GALNT14: variants seen among roughly 807,000 people sequenced by gnomAD.
GALNT14 encodes polypeptide N-acetylgalactosaminyltransferase 14.
In GALNT14, 60 loss-of-function variants were observed where a neutral mutation model predicts 77.5. The observed-to-expected ratio is 0.77, with a 90% CI of 0.63 to 0.96. GALNT14 has a LOEUF of 0.96. Among genes scored for constraint, GALNT14 ranks in the 40% least tolerant of loss-of-function variants. GALNT14 has a pLI of 0.00. For missense variants in GALNT14, 710 were observed against 731.0 expected (o/e 0.97, Z 0.33); for synonymous variants, 280 against 281.7 (o/e 0.99, Z 0.06).
At chr2:31,107,317 G>A (rs949803430) in intron 1 of GALNT14, among the ~76,000 whole-genome samples, 1 of 152,080 alleles carries the variant, frequency 6.6e-6, no homozygotes, top group Non-Finnish European at 1.5e-5. Flanking sequence ...TATCCAGGAT[G>A]TGTATTTTTT....
chr2:31,107,521 T>C (rs1279687238), intron 1 of GALNT14, among the ~76,000 whole-genome samples: 3 of 152,172 alleles, frequency 2.0e-5, no homozygotes, highest in South Asian at 2.1e-4. Flanking sequence ...CTCTTTGCTG[T>C]TGTGTCCAGC....
the GALNT14 span, among the ~76,000 whole-genome samples, chr2:30,894,731 G>A: frequency 6.6e-6 from 1 of 152,220 alleles, no homozygotes; most frequent in African/African-American, 2.4e-5. Context: ...GCCTTGGTCT[G>A]TATGTCTTGA....
intron 1 of GALNT14, among the ~76,000 whole-genome samples, chr2:31,112,202 G>A (rs1444115265): frequency 6.6e-6 from 1 of 152,152 alleles, no homozygotes; most frequent in Non-Finnish European, 1.5e-5. Flanking sequence ...CCCAGCTCCA[G>A]GCACAGGAGA....
At chr2:31,070,086 A>G (rs1675256018) in intron 1 of GALNT14, among the ~76,000 whole-genome samples, 2 of 152,160 alleles carry the variant, frequency 1.3e-5, no homozygotes, top group Admixed American at 1.3e-4. Flanking sequence ...AGAAAAGAGA[A>G]GAAGCCAGAA....
At chr2:30,922,361 T>C (rs1345222409) in intron 13 of GALNT14, among the ~76,000 whole-genome samples, 16 of 152,198 alleles carry the variant, frequency 1.1e-4, no homozygotes, top group Admixed American at 1.0e-3. Context: ...AACCCTCTCC[T>C]GAGATCTCAT....
chr2:30,998,284 C>CT (rs927634452), intron 1 of GALNT14, among the ~76,000 whole-genome samples: 1 of 152,086 alleles, frequency 6.6e-6, no homozygotes, highest in Non-Finnish European at 1.5e-5. Flanking sequence ...ATCTCCTTTT[C>CT]TCCTTCCTTC....
At chr2:31,089,409 AT>A (rs143093796) in intron 1 of GALNT14, among the ~76,000 whole-genome samples, 5,375 of 152,208 alleles carry the variant, frequency 0.035, 306 homozygotes, top group African/African-American at 0.12. Flanking sequence ...AAAGTATGTG[AT>A]TGTTACTGTT....
At chr2:31,092,363 G>T (rs1240813075) in intron 1 of GALNT14, among the ~76,000 whole-genome samples, 1 of 151,706 alleles carries the variant, frequency 6.6e-6, no homozygotes, top group African/African-American at 2.4e-5. Context: ...ATTCATGAGG[G>T]TCCCACCCTC....
chr2:30,918,464 G>T (rs919838440), intron 13 of GALNT14, among the ~76,000 whole-genome samples: 2 of 152,228 alleles, frequency 1.3e-5, no homozygotes, highest in Non-Finnish European at 2.9e-5. Flanking sequence ...ATGCTCAATT[G>T]CTGTCTGCTG....
chr2:30,941,992 C>G (rs1367726687), intron 9 of GALNT14, among the ~76,000 whole-genome samples: 1 of 152,138 alleles, frequency 6.6e-6, no homozygotes, highest in African/African-American at 2.4e-5. Flanking sequence ...TGGAGAGATT[C>G]CCTTATTATC....
chr2:31,027,170 G>A (rs1222948049), intron 1 of GALNT14, among the ~76,000 whole-genome samples: 3 of 152,188 alleles, frequency 2.0e-5, no homozygotes, highest in African/African-American at 7.2e-5. Flanking sequence ...GGTGGCTCAC[G>A]CCTGTAATCC....
At chr2:30,892,349 T>C in the GALNT14 span, among the ~76,000 whole-genome samples, 1 of 152,142 alleles carries the variant, frequency 6.6e-6, no homozygotes, top group Non-Finnish European at 1.5e-5. Flanking sequence ...AATTGAAATT[T>C]GGAAAGATCA....
intron 9 of GALNT14, among the ~76,000 whole-genome samples, 163 bp from the exon 10 acceptor site, chr2:30,932,357 T>G (rs967866720): frequency 5.9e-4 from 90 of 152,172 alleles, no homozygotes; most frequent in African/African-American, 2.0e-3. Context: ...TCCCCATCCA[T>G]AAATGGGAAT....
chr2:31,119,759 T>C (rs1026029431), intron 1 of GALNT14, among the ~76,000 whole-genome samples: 9 of 152,220 alleles, frequency 5.9e-5, no homozygotes, highest in African/African-American at 2.2e-4. Flanking sequence ...TTCAGCTCTG[T>C]CTGTAGCAAC....
intron 1 of GALNT14, among the ~76,000 whole-genome samples, chr2:31,044,095 A>G (rs1278127522): frequency 6.6e-6 from 1 of 152,244 alleles, no homozygotes; most frequent in Admixed American, 6.5e-5. Context: ...TTAATCATCC[A>G]AAGATCAACT....
chr2:31,079,776 T>A (rs981127972), intron 1 of GALNT14, among the ~76,000 whole-genome samples: 4 of 152,194 alleles, frequency 2.6e-5, no homozygotes, highest in African/African-American at 9.6e-5. Context: ...CTTAGTCATG[T>A]ACGGTCCTAC....
At chr2:31,004,125 A>G (rs1330405468) in intron 1 of GALNT14, among the ~76,000 whole-genome samples, 5 of 152,170 alleles carry the variant, frequency 3.3e-5, no homozygotes, top group Non-Finnish European at 7.3e-5. Context: ...CACACGCTTT[A>G]TTTCTGCATC....
At chr2:30,931,190 C>T (rs954670907) in intron 10 of GALNT14, among the ~76,000 whole-genome samples, 2 of 152,176 alleles carry the variant, frequency 1.3e-5, no homozygotes, top group Non-Finnish European at 2.9e-5. Context: ...ATTGCTCAAA[C>T]CCATGTCTCC....
chr2:30,904,503 G>A, the GALNT14 span, among the ~76,000 whole-genome samples: 19 of 152,282 alleles, frequency 1.2e-4, no homozygotes, highest in South Asian at 2.1e-4. Flanking sequence ...CTTTTCCGAC[G>A]GGCTTAAAAA....
Sources: allele counts gnomAD v4.1 joint callset (sites outside exome capture counted in the v4.1 genomes callset), GRCh38; gene constraint gnomAD v4.1.1; transcripts MANE v1.5; gene names NCBI Gene and HGNC (gene_info 2026-07-23, HGNC 2026-07-21).